Variants in CDH12 observed in about 807,000 individuals in gnomAD.
CDH12 encodes cadherin 12, also known as cadherin-12.
A neutral mutation model predicts 74.1 loss-of-function variants in CDH12; 41 were observed. The observed-to-expected ratio is 0.55, with a 90% CI of 0.43 to 0.72. The LOEUF is 0.72. Ranked by LOEUF, CDH12 falls within the 30% of genes least tolerant of loss-of-function variation. CDH12 has a pLI of 0.00. For synonymous variants in CDH12, 399 were observed against 355.0 expected, an observed-to-expected ratio of 1.12 and a Z score of -1.39; for missense variants, 945 against 977.2, an observed-to-expected ratio of 0.97 and a Z score of 0.44.
intron 6 of CDH12, among the ~76,000 whole-genome samples, chr5:21,954,503 G>C (rs1421643677): frequency 6.6e-6 from 1 of 152,074 alleles, no homozygotes; most frequent in Non-Finnish European, 1.5e-5. Context: ...GAAAAATACA[G>C]TGATTCCAAG....
chr5:21,975,866 T>C (rs1468760247), intron 5 of CDH12, among the ~76,000 whole-genome samples: 4 of 152,112 alleles, frequency 2.6e-5, no homozygotes, highest in Non-Finnish European at 5.9e-5. Flanking sequence ...AAAACTTCAG[T>C]GTACTTATTG....
chr5:21,934,434 C>T (rs906045092), intron 6 of CDH12, among the ~76,000 whole-genome samples: 2 of 152,078 alleles, frequency 1.3e-5, no homozygotes, highest in Admixed American at 1.3e-4. Flanking sequence ...TATGGTATAG[C>T]CATCTGATGG....
At chr5:22,516,715 A>G (rs1374992259) in intron 1 of CDH12, among the ~76,000 whole-genome samples, 1 of 152,110 alleles carries the variant, frequency 6.6e-6, no homozygotes, top group African/African-American at 2.4e-5. Flanking sequence ...GGATGACTTG[A>G]GCCCGGGAAG....
chr5:22,409,145 T>C (rs1176059530), intron 2 of CDH12, among the ~76,000 whole-genome samples: 1 of 152,080 alleles, frequency 6.6e-6, no homozygotes, highest in African/African-American at 2.4e-5. Context: ...ATATGTAAGT[T>C]TTTAAAGAGT....
intron 4 of CDH12, among the ~76,000 whole-genome samples, chr5:22,196,147 A>ATTT (rs71609752): frequency 5.3e-5 from 7 of 132,106 alleles, no homozygotes; most frequent in African/African-American, 2.0e-4. Context: ...TCTGCATGTA[A>ATTT]TTTTTTTTTT....
chr5:22,401,022 TAATA>T (rs1381296290), intron 3 of CDH12, among the ~76,000 whole-genome samples: 3 of 152,340 alleles, frequency 2.0e-5, no homozygotes. Context: ...TATTTCCATA[TAATA>T]AATAAAGTTG....
chr5:22,435,490 G>C (rs548322559), intron 2 of CDH12, among the ~76,000 whole-genome samples: 1 of 89,572 alleles, frequency 1.1e-5, no homozygotes, highest in Non-Finnish European at 2.2e-5. Context: ...ATATGTATGT[G>C]TATATATATG....
intron 1 of CDH12, among the ~76,000 whole-genome samples, chr5:22,781,144 A>G (rs1387705203): frequency 6.6e-6 from 1 of 152,218 alleles, no homozygotes; most frequent in Non-Finnish European, 1.5e-5. Flanking sequence ...CTATAAATAT[A>G]AAGTGTGCAT....
intron 3 of CDH12, among the ~76,000 whole-genome samples, chr5:22,263,308 A>G (rs1157338523): frequency 1.3e-5 from 2 of 152,122 alleles, no homozygotes; most frequent in African/African-American, 2.4e-5. Flanking sequence ...ATCCACACTA[A>G]TGATTTTGTT....
chr5:22,052,436 C>T (rs1258351030), intron 5 of CDH12, among the ~76,000 whole-genome samples: 1 of 152,098 alleles, frequency 6.6e-6, no homozygotes, highest in Non-Finnish European at 1.5e-5. Context: ...CCCTGCCTCC[C>T]TCTAATCCCC....
intron 2 of CDH12, among the ~76,000 whole-genome samples, chr5:22,429,918 A>C (rs1331667108): frequency 3.9e-5 from 6 of 152,184 alleles, no homozygotes; most frequent in Non-Finnish European, 7.3e-5. Flanking sequence ...TACACAATTA[A>C]TGTTGATGGC....
intron 1 of CDH12, among the ~76,000 whole-genome samples, chr5:22,792,578 C>T (rs1747972072): frequency 1.3e-5 from 2 of 152,116 alleles, no homozygotes; most frequent in Admixed American, 6.5e-5. Flanking sequence ...TGGTGGTCAT[C>T]ACTATGTTAT....
intron 3 of CDH12, among the ~76,000 whole-genome samples, chr5:22,285,234 TA>T (rs1162354723): frequency 1.1e-4 from 16 of 152,124 alleles, no homozygotes; most frequent in Admixed American, 5.2e-4. Context: ...TAAAACATTT[TA>T]AAATAAATTG....
intron 4 of CDH12, among the ~76,000 whole-genome samples, chr5:22,134,894 C>T (rs945816667): frequency 8.6e-5 from 13 of 151,574 alleles, no homozygotes; most frequent in African/African-American, 3.2e-4. Context: ...CCTCCACACA[C>T]TCCCCCCACC....
intron 5 of CDH12, among the ~76,000 whole-genome samples, chr5:22,001,015 A>G (rs1046132366): frequency 6.6e-6 from 1 of 152,142 alleles, no homozygotes; most frequent in African/African-American, 2.4e-5. Context: ...AGGCCAAGAC[A>G]TATTAAATAA....
intron 1 of CDH12, among the ~76,000 whole-genome samples, chr5:22,600,110 C>T (rs1736786328): frequency 3.3e-5 from 5 of 152,130 alleles, no homozygotes; most frequent in Admixed American, 3.3e-4. Flanking sequence ...TACCTGTGTG[C>T]TGTTGGGCAG....
chr5:21,770,341 C>G (rs759580436), intron 11 of CDH12, among the ~76,000 whole-genome samples: 2 of 152,102 alleles, frequency 1.3e-5, no homozygotes, highest in Non-Finnish European at 2.9e-5. Flanking sequence ...AGTTAAAATT[C>G]GGCCAGGCAT....
intron 3 of CDH12, among the ~76,000 whole-genome samples, chr5:22,225,049 G>T (rs1234964625): frequency 6.6e-6 from 1 of 151,856 alleles, no homozygotes; most frequent in Non-Finnish European, 1.5e-5. Flanking sequence ...GCTAAAATTT[G>T]TGGGTTGAAA....
chr5:22,737,634 C>T (rs1744809060), intron 1 of CDH12, among the ~76,000 whole-genome samples: 1 of 151,884 alleles, frequency 6.6e-6, no homozygotes, highest in Admixed American at 6.6e-5. Flanking sequence ...GCATCTCTAC[C>T]TTAAAAAACA....
Sources: allele counts gnomAD v4.1 joint callset (sites outside exome capture counted in the v4.1 genomes callset), GRCh38; gene constraint gnomAD v4.1.1; transcripts MANE v1.5; gene names NCBI Gene and HGNC (gene_info 2026-07-23, HGNC 2026-07-21).